Variants in OPRD1 observed in about 807,000 individuals in gnomAD.
The protein encoded by OPRD1 is delta-type opioid receptor.
In OPRD1, 19 loss-of-function variants were observed where a neutral mutation model predicts 17.5. That is an observed-to-expected ratio of 1.09 (90% CI 0.76 to 1.60). OPRD1 has a LOEUF of 1.60. Among genes scored for constraint, OPRD1 ranks in the 40% most tolerant of loss-of-function variants. The probability of loss-of-function intolerance (pLI) is 0.00; values close to 1 mark genes in which losing one functional copy is unlikely to be tolerated. For missense variants in OPRD1, 483 were observed against 547.2 expected (o/e 0.88, Z 1.17); for synonymous variants, 256 against 240.9 (o/e 1.06, Z -0.58).
rs2089199977 is a variant in OPRD1, at chr1:28,869,512, A to G, written c.*6229A>G. ...TCAATGGGTAATGTACAGCACTTCC[A>G]TGGCATAACTCATTTAATCTTCACA... On this transcript the variant is annotated 3_prime_UTR_variant, in exon 3 of 3. Coordinates refer to ENST00000234961, the MANE Select transcript of OPRD1 (RefSeq NM_000911.4). The G allele has an allele frequency of 6.6e-6, 1 of 152,220 alleles. No homozygotes were observed. The highest frequency in any genetic ancestry group is 1.5e-5 in the Non-Finnish European group (1 of 68,052). The allele number at this position is 152,220 out of a possible 1,614,324, so 9.4% of individuals were successfully genotyped here.
intron 1 of OPRD1, among the ~76,000 whole-genome samples, chr1:28,846,556 G>A (rs540181067): frequency 3.9e-5 from 6 of 152,102 alleles, no homozygotes; most frequent in Non-Finnish European, 7.4e-5. Flanking sequence ...GGTGGTGGGC[G>A]CCTGTAATCC....
At chr1:28,858,926 A>T in intron 1 of OPRD1, 28 bp from the exon 2 acceptor site, 1 of 1,566,794 alleles carries the variant, frequency 6.4e-7, no homozygotes, top group Non-Finnish European at 8.7e-7. Flanking sequence ...GTGAAATGGG[A>T]TTAATTACAC....
chr1:28,856,812 C>A (rs1013211294), intron 1 of OPRD1, among the ~76,000 whole-genome samples: 2 of 152,224 alleles, frequency 1.3e-5, no homozygotes, highest in Non-Finnish European at 2.9e-5. Flanking sequence ...TGGCTATAGA[C>A]ATCTGGCCTG....
At chr1:28,842,214 G>A (rs983850793) in intron 1 of OPRD1, among the ~76,000 whole-genome samples, 1 of 152,088 alleles carries the variant, frequency 6.6e-6, no homozygotes, top group African/African-American at 2.4e-5. Flanking sequence ...ATTTTTAGTA[G>A]AGACGGGGGT....
intron 1 of OPRD1, among the ~76,000 whole-genome samples, chr1:28,846,839 TTC>T (rs2088951009): frequency 1.4e-5 from 1 of 70,856 alleles, no homozygotes; most frequent in African/African-American, 6.2e-5. Flanking sequence ...CTTTCTTTCT[TTC>T]TTTCTTTTCT....
In OPRD1 at chr1:28,812,576, C is replaced by G. The variant is rs750267952; in HGVS notation, c.193C>G (p.Leu65Val). ...LYSAVCAVGL[L>V]GNVLVMFGIV... Reference sequence around the variant, plus strand: ...CTCGGCCGTGTGCGCCGTGGGGCTGCTGGGCAACGTGCTTGTCATGTTCGG... The same window carrying G: ...CTCGGCCGTGTGCGCCGTGGGGCTGGTGGGCAACGTGCTTGTCATGTTCGG... The change falls in exon 1 of 3, where the codon CTG (leucine) becomes GTG (valine). Residue 65 changes from leucine (L) to valine (V), a missense_variant. By Grantham distance (32) the Leu-to-Val change is conservative. Transcript: ENST00000234961. The G allele has an allele frequency of 1.9e-6, 3 of 1,570,682 alleles. No homozygotes were observed. The highest frequency in any genetic ancestry group is 4.9e-5 in the East Asian group (2 of 41,108).
chr1:28,814,445 G>C (rs567187234), intron 1 of OPRD1, among the ~76,000 whole-genome samples: 1 of 152,226 alleles, frequency 6.6e-6, no homozygotes, highest in Non-Finnish European at 1.5e-5. Flanking sequence ...TCTGACTAAA[G>C]AAGGGAGCTT....
chr1:28,850,388 A>G (rs1429968388), intron 1 of OPRD1, among the ~76,000 whole-genome samples: 7 of 151,760 alleles, frequency 4.6e-5, no homozygotes, highest in Admixed American at 4.6e-4. Context: ...TAGTGGCACA[A>G]TCTCAGCCCA....
At chr1:28,847,477 C>G (rs1355429412) in intron 1 of OPRD1, among the ~76,000 whole-genome samples, 2 of 152,122 alleles carry the variant, frequency 1.3e-5, no homozygotes, top group East Asian at 3.9e-4. Context: ...TGTACATGTA[C>G]CAGCTGAGGA....
At chr1:28,844,755 T>C (rs536615167) in intron 1 of OPRD1, among the ~76,000 whole-genome samples, 7 of 152,190 alleles carry the variant, frequency 4.6e-5, no homozygotes, top group African/African-American at 1.4e-4. Context: ...TTTTGTTTTT[T>C]TGAGGGGGTG....
At chr1:28,831,768 G>C (rs1431157959) in intron 1 of OPRD1, among the ~76,000 whole-genome samples, 1 of 151,836 alleles carries the variant, frequency 6.6e-6, no homozygotes, top group East Asian at 1.9e-4. Flanking sequence ...GAACTCCTGG[G>C]CTCCAGTGAT....
chr1:28,824,607 T>C (rs1287952247), intron 1 of OPRD1, among the ~76,000 whole-genome samples: 1 of 151,984 alleles, frequency 6.6e-6, no homozygotes, highest in African/African-American at 2.4e-5. Flanking sequence ...CGTGAGCCAC[T>C]GTGCCTGGCT....
At chr1:28,812,706 G>A (rs1421867260) in intron 1 of OPRD1, 96 bp downstream of exon 1, 1 of 1,139,678 alleles carries the variant, frequency 8.8e-7, no homozygotes, top group East Asian at 3.2e-5. Context: ...TGGACTCCCC[G>A]CGCCTCCGCA....
intron 1 of OPRD1, among the ~76,000 whole-genome samples, chr1:28,855,498 G>A (rs1016162423): frequency 2.0e-5 from 3 of 152,110 alleles, no homozygotes; most frequent in Non-Finnish European, 2.9e-5. Flanking sequence ...TTGTCTTGGG[G>A]CTGGAGAAGG....
intron 1 of OPRD1, among the ~76,000 whole-genome samples, chr1:28,817,244 G>A (rs1431677360): frequency 1.3e-5 from 2 of 152,122 alleles, no homozygotes; most frequent in African/African-American, 2.4e-5. Context: ...TGTCTTCATC[G>A]GGAAGATGTG....
At chr1:28,849,245 A>ATT (rs370469284) in intron 1 of OPRD1, among the ~76,000 whole-genome samples, 1 of 149,058 alleles carries the variant, frequency 6.7e-6, no homozygotes, top group African/African-American at 2.5e-5. Context: ...CTCTATTTTA[A>ATT]TTTTTTTTTT....
In OPRD1 at chr1:28,852,179, A is replaced by G. The variant is rs1446464950; in HGVS notation, c.228-6775A>G. On this transcript the variant is annotated intron_variant, in intron 1 of 2. Coordinates refer to ENST00000234961, the MANE Select transcript of OPRD1 (RefSeq NM_000911.4). ...AAACTCCATGTAAAAAAAAAAAAAA[A>G]AAAAAAAGAAAAGAAAGAAAGAAAA... Among the ~76,000 whole-genome samples, 5 of 151,290 alleles carry G rather than the reference A, an allele frequency of 3.3e-5. No individual in the cohort carries two copies. In the East Asian group the frequency reaches 7.8e-4, roughly 23 times the overall value.
In OPRD1 at chr1:28,863,430, G is replaced by A; in HGVS notation, c.*147G>A. 1.1e-6 allele frequency: 1 copy of A among 936,078 alleles called. No homozygotes were observed. The highest frequency in any genetic ancestry group is 1.5e-6 in the Non-Finnish European group (1 of 673,852). The allele number at this position is 936,078 out of a possible 1,614,324, so 58.0% of individuals were successfully genotyped here. ...AGATGGGGCCTCTGTTTCGGAGACG[G>A]GACCGGGCCGCTAGATGGGCATGGG... is the stretch of plus-strand genomic sequence containing the variant. On this transcript the variant is annotated 3_prime_UTR_variant, in exon 3 of 3. Coordinates refer to ENST00000234961, the MANE Select transcript of OPRD1 (RefSeq NM_000911.4).
At chr1:28,835,528 G>T (rs932371492) in intron 1 of OPRD1, among the ~76,000 whole-genome samples, 1 of 152,226 alleles carries the variant, frequency 6.6e-6, no homozygotes, top group African/African-American at 2.4e-5. Flanking sequence ...TTAAGTGGTG[G>T]GCAGGGATGC....
Sources: gnomAD v4.1 joint callset for allele counts (sites outside exome capture counted in the v4.1 genomes callset) on GRCh38, gnomAD v4.1.1 for gene constraint, MANE v1.5 for transcripts, NCBI Gene and HGNC (gene_info 2026-07-23, HGNC 2026-07-21) for gene names.